LRP1B: variants seen among roughly 807,000 people sequenced by gnomAD.
The protein encoded by LRP1B is LDL receptor related protein 1B.
A neutral mutation model predicts 556.6 loss-of-function variants in LRP1B; 217 were observed. The observed-to-expected ratio is 0.39, with a 90% CI of 0.35 to 0.44. The LOEUF (loss-of-function observed/expected upper bound fraction) is 0.44. Among genes scored for constraint, LRP1B ranks in the 20% least tolerant of loss-of-function variants. The pLI, the probability that LRP1B is intolerant of heterozygous loss-of-function variation, is 1.00. For synonymous variants in LRP1B, 2,047 were observed against 1,865.8 expected (o/e 1.10, Z -2.50); for missense variants, 5,053 against 5,620.8 (o/e 0.90, Z 3.23).
chr2:141,792,454 A>G (rs1158036508), intron 2 of LRP1B, among the ~76,000 whole-genome samples: 1 of 152,000 alleles, frequency 6.6e-6, no homozygotes, highest in East Asian at 1.9e-4. Flanking sequence ...TCATCATGAA[A>G]AATTACCAGT....
rs1208075089 is a variant in LRP1B at position 141,009,866 on chromosome 2, C to T, written c.2380+3690G>A. On this transcript the variant is annotated intron_variant, in intron 14 of 90. Transcript: ENST00000389484. ...ATAAAATTTTGAGAAATTAAATTGG[C>T]CACACAAATTAAACATAGAAAAATA... 1.7e-4 allele frequency among the ~76,000 whole-genome samples: 26 copies of T among 151,886 alleles called. 1 individual carries two copies. The highest frequency in any genetic ancestry group is 1.7e-3 in the Admixed American group (26 of 15,202).
intron 43 of LRP1B, among the ~76,000 whole-genome samples, chr2:140,579,283 A>C (rs1407012632): frequency 1.3e-5 from 2 of 152,124 alleles, no homozygotes; most frequent in African/African-American, 4.8e-5. Context: ...TACTCCTCAC[A>C]TATTATCATG....
intron 68 of LRP1B, 132 bp from the exon 69 acceptor site, chr2:140,373,269 T>A (rs1683073161): frequency 1.3e-6 from 1 of 746,780 alleles, no homozygotes; most frequent in Non-Finnish European, 2.1e-6. Context: ...AACTTCTCTG[T>A]CAAAAACAAC....
intron 2 of LRP1B, among the ~76,000 whole-genome samples, chr2:141,659,991 CA>C (rs1205363607): frequency 6.6e-6 from 1 of 152,006 alleles, no homozygotes; most frequent in Non-Finnish European, 1.5e-5. Flanking sequence ...AAGGGATTGA[CA>C]AAGGAGAAAA....
chr2:141,594,434 C>T (rs954505264), intron 2 of LRP1B, among the ~76,000 whole-genome samples: 7 of 152,036 alleles, frequency 4.6e-5, no homozygotes, highest in Admixed American at 2.0e-4. Context: ...AGAATACACA[C>T]GTTTTTGTAG....
intron 2 of LRP1B, among the ~76,000 whole-genome samples, chr2:141,586,117 CT>C (rs1484318458): frequency 2.0e-5 from 3 of 152,082 alleles, no homozygotes; most frequent in Admixed American, 2.0e-4. Context: ...ATCATTAAAC[CT>C]TTTCAATTCA....
At chr2:140,364,851 T>C (rs2105152394) in intron 71 of LRP1B, 68 bp from the exon 72 acceptor site, 1 of 1,424,522 alleles carries the variant, frequency 7.0e-7, no homozygotes. Flanking sequence ...GGATCCATAT[T>C]CTTCTGAATC....
chr2:140,306,473 T>G (rs1016177671), intron 83 of LRP1B, among the ~76,000 whole-genome samples: 1 of 152,150 alleles, frequency 6.6e-6, no homozygotes, highest in Non-Finnish European at 1.5e-5. Flanking sequence ...GATGGTAGTT[T>G]GTATTTCTGT....
At chr2:141,139,590 A>T (rs1574115416) in intron 7 of LRP1B, among the ~76,000 whole-genome samples, 1 of 152,172 alleles carries the variant, frequency 6.6e-6, no homozygotes, top group Non-Finnish European at 1.5e-5. Context: ...GACATGAAAA[A>T]AAATTCAATA....
At chr2:141,503,451 G>T (rs1023226863) in intron 2 of LRP1B, among the ~76,000 whole-genome samples, 1 of 151,756 alleles carries the variant, frequency 6.6e-6, no homozygotes, top group Non-Finnish European at 1.5e-5. Context: ...AATATCAATT[G>T]CCAAGTCTAA....
chr2:141,455,538 G>A (rs982216848), intron 3 of LRP1B, among the ~76,000 whole-genome samples: 6 of 151,538 alleles, frequency 4.0e-5, no homozygotes, highest in African/African-American at 1.5e-4. Flanking sequence ...AGTGAAGCCA[G>A]TAAGAAACTA....
intron 43 of LRP1B, among the ~76,000 whole-genome samples, chr2:140,544,565 C>T (rs1157467400): frequency 6.6e-6 from 1 of 152,062 alleles, no homozygotes; most frequent in Non-Finnish European, 1.5e-5. Flanking sequence ...TAAGTGAGAA[C>T]ATGTGATAAT....
intron 3 of LRP1B, among the ~76,000 whole-genome samples, chr2:141,307,749 G>A (rs1686649507): frequency 6.6e-6 from 1 of 152,180 alleles, no homozygotes; most frequent in South Asian, 2.1e-4. Context: ...AGCCAGAGCA[G>A]CATATGGTGG....
In LRP1B at chr2:141,352,129, T is replaced by A. The variant is rs377554122; in HGVS notation, c.344-97488A>T. Among the ~76,000 whole-genome samples the A allele has an allele frequency of 2.6e-5, 4 of 152,094 alleles. No individual in the cohort carries two copies. The East Asian group carries it at 5.8e-4, about 22-fold the overall frequency. ...ACTTTAGTAAGATTAGTTTGGATGC[T>A]GTGTGAAAGATTGATTAGAATTAGA... On this transcript the variant is annotated intron_variant, in intron 3 of 90. Transcript: ENST00000389484.
At chr2:140,546,622 C>G (rs1475357945) in intron 43 of LRP1B, among the ~76,000 whole-genome samples, 1 of 152,010 alleles carries the variant, frequency 6.6e-6, no homozygotes, top group Non-Finnish European at 1.5e-5. Context: ...GGTAACCATC[C>G]TCATGATTCA....
rs574419937 is a variant in LRP1B, at chr2:141,907,895, C to T, written c.83-97494G>A. Among the ~76,000 whole-genome samples, 14 of 151,998 alleles carry T rather than the reference C, an allele frequency of 9.2e-5. No individual in the cohort carries two copies. In the South Asian group the frequency reaches 2.7e-3, roughly 29 times the overall value. On this transcript the variant is annotated intron_variant, in intron 1 of 90. Coordinates refer to ENST00000389484, the MANE Select transcript of LRP1B (RefSeq NM_018557.3). ...CCCAAGCCTGGCTTTTCCAGGTAGG[C>T]ACTAGATTTTCCTGACCCCTATTTA...
At chr2:140,432,234 C>G (rs899486527) in intron 66 of LRP1B, among the ~76,000 whole-genome samples, 7 of 152,186 alleles carry the variant, frequency 4.6e-5, no homozygotes, top group African/African-American at 1.7e-4. Flanking sequence ...AACAACCCCC[C>G]TTTGACTGTA....
chr2:141,080,599 A>G (rs1699898773), intron 7 of LRP1B, among the ~76,000 whole-genome samples: 1 of 152,216 alleles, frequency 6.6e-6, no homozygotes, highest in Non-Finnish European at 1.5e-5. Context: ...TCAAATACTT[A>G]TTGAGCATCC....
chr2:141,802,088 T>C (rs944942045), intron 2 of LRP1B, among the ~76,000 whole-genome samples: 1 of 152,136 alleles, frequency 6.6e-6, no homozygotes, highest in Admixed American at 6.6e-5. Context: ...GCTTGCTAAA[T>C]TCATGCTGAA....
Sources: allele counts gnomAD v4.1 joint callset (sites outside exome capture counted in the v4.1 genomes callset), GRCh38; gene constraint gnomAD v4.1.1; transcripts MANE v1.5; gene names NCBI Gene and HGNC (gene_info 2026-07-23, HGNC 2026-07-21).